HMCN1: variants seen among roughly 807,000 people sequenced by gnomAD.
HMCN1 encodes the protein hemicentin 1.
Under a neutral mutation model 625.9 loss-of-function variants are expected in HMCN1, and 321 were observed. That is an observed-to-expected ratio of 0.51 (90% CI 0.47 to 0.56). The LOEUF (loss-of-function observed/expected upper bound fraction) is 0.56, where lower values mean the gene tolerates loss of function less well. Ranked by LOEUF, HMCN1 falls within the 20% of genes least tolerant of loss-of-function variation. The pLI, the probability that HMCN1 is intolerant of heterozygous loss-of-function variation, is 0.00. For synonymous variants in HMCN1, 2,425 were observed against 2,417.6 expected (o/e 1.00, Z -0.09); for missense variants, 6,588 against 6,887.3 (o/e 0.96, Z 1.54).
intron 97 of HMCN1, among the ~76,000 whole-genome samples, chr1:186,160,352 T>C (rs1311346343): frequency 6.7e-6 from 1 of 148,728 alleles, no homozygotes; most frequent in African/African-American, 2.5e-5. Context: ...TCAATTTTGT[T>C]GATCCTTTCA....
At chr1:186,173,486 CA>C (rs1167705805) in intron 102 of HMCN1, among the ~76,000 whole-genome samples, 1 of 151,356 alleles carries the variant, frequency 6.6e-6, no homozygotes, top group African/African-American at 2.4e-5. Flanking sequence ...ACTAAAAATA[CA>C]AAAATTAGCT....
intron 57 of HMCN1, among the ~76,000 whole-genome samples, chr1:186,084,436 T>C (rs976097160): frequency 6.6e-6 from 1 of 152,198 alleles, no homozygotes; most frequent in Admixed American, 6.5e-5. Context: ...CAGTTAATGA[T>C]GTCTTGAGTT....
chr1:186,093,343 A>G (rs1029219906), intron 65 of HMCN1, 85 bp downstream of exon 65: 40 of 1,595,248 alleles, frequency 2.5e-5, no homozygotes, highest in Non-Finnish European at 2.7e-5. Context: ...AGGTGTCTGG[A>G]GCATTTAGTT....
chr1:186,129,199 T>C (rs6686681), intron 83 of HMCN1, among the ~76,000 whole-genome samples: 1,914 of 103,256 alleles, frequency 0.019, 44 homozygotes, highest in African/African-American at 0.12. Flanking sequence ...CAGTAAAAGA[T>C]TTAAAAAAAA....
At chr1:186,176,942 G>T (rs1032300748) in intron 103 of HMCN1, 3 of 152,366 alleles carry the variant, frequency 2.0e-5, no homozygotes, top group African/African-American at 7.2e-5. Context: ...GTCGAGGCGG[G>T]TGGATCACGA....
At chr1:185,855,176 C>G (rs958598819) in intron 2 of HMCN1, among the ~76,000 whole-genome samples, 6 of 152,166 alleles carry the variant, frequency 3.9e-5, no homozygotes, top group Non-Finnish European at 7.3e-5. Flanking sequence ...GTCCCTGCCC[C>G]CTCTGGCTCT....
At position 186,057,292 on chromosome 1, in the gene HMCN1, G is replaced by T. The variant is rs775621788; in HGVS notation, c.7203G>T (p.Lys2401Asn). The change falls in exon 46 of 107, where the codon AAG becomes AAT. Residue 2401 changes from lysine (K) to asparagine (N), a missense_variant. Physicochemically the swap from Lys to Asn is moderately conservative, Grantham distance 94 (BLOSUM62 0). Coordinates refer to ENST00000271588, the MANE Select transcript of HMCN1 (RefSeq NM_031935.3). ...CTGAAAATATTAGTGTGGTAGAAAA[G>T]AACTCAGTATCTTTGACTTGTGAAG... The part of the protein sequence containing the change: ...RSPENISVVE[K>N]NSVSLTCEAS... 6.2e-6 allele frequency: 10 copies of T among 1,611,152 alleles called. No individual in the cohort carries two copies. Among genetic ancestry groups the T allele is most frequent in the Non-Finnish European group, 7.6e-6 (9 of 1,177,766 alleles).
rs747426322 is a variant in HMCN1, at chr1:186,123,099, C to T, written c.12378C>T (p.Arg4126=). The change falls in exon 81 of 107, where the codon CGC becomes CGT. Residue 4126 remains arginine, a synonymous_variant. Coordinates refer to ENST00000271588, the MANE Select transcript of HMCN1 (RefSeq NM_031935.3). ...CAATTGTGGAATCTATCCGCCAGCG[C>T]GTCCTCAGCTCTGGCTCTCTGCAAA... ...GRAIVESIRQ[R]VLSSGSLQIA... 6.2e-6 allele frequency: 10 copies of T among 1,614,012 alleles called. No individual in the cohort carries two copies. The highest frequency in any genetic ancestry group is 8.5e-6 in the Non-Finnish European group (10 of 1,180,010).
intron 96 of HMCN1, 55 bp from the exon 97 acceptor site, chr1:186,153,695 G>A: frequency 2.0e-6 from 3 of 1,466,682 alleles, no homozygotes; most frequent in Non-Finnish European, 2.9e-6. Context: ...TCCCCTTAAG[G>A]GAAAAAAATT....
At chr1:185,837,376 G>A (rs1030780021) in intron 1 of HMCN1, among the ~76,000 whole-genome samples, 3 of 151,802 alleles carry the variant, frequency 2.0e-5, no homozygotes, top group Admixed American at 6.6e-5. Flanking sequence ...TGTGAGCTTT[G>A]TTCCCGTTGT....
intron 87 of HMCN1, among the ~76,000 whole-genome samples, chr1:186,137,149 A>G (rs748800856): frequency 1.3e-5 from 2 of 152,232 alleles, no homozygotes; most frequent in Non-Finnish European, 2.9e-5. Context: ...TTAAAATCCC[A>G]AACTAGATTT....
At chr1:186,021,412 G>C (rs1654711934) in intron 35 of HMCN1, among the ~76,000 whole-genome samples, 1 of 151,998 alleles carries the variant, frequency 6.6e-6, no homozygotes, top group African/African-American at 2.4e-5. Context: ...TATGGTCTTG[G>C]AGCTCAAAGG....
chr1:186,053,756 A>G (rs1348819416), intron 43 of HMCN1, 69 bp from the exon 44 acceptor site: 2 of 1,494,800 alleles, frequency 1.3e-6, no homozygotes, highest in African/African-American at 1.4e-5. Flanking sequence ...AACAAATGTC[A>G]TACTTGGCAA....
Position 185,846,436 on chromosome 1 carries a change from G to A in HMCN1, c.339+340G>A, listed in dbSNP as rs191493209. 1.3e-3 allele frequency among the ~76,000 whole-genome samples: 192 copies of A among 152,142 alleles called. 1 individual carries two copies. The highest frequency in any genetic ancestry group is 1.7e-3 in the African/African-American group (69 of 41,518). ...CTTTTTGCTTAGAAATATAAGGAAC[G>A]GTTAATAATTCTTTTCCCATAAAAT... On this transcript the variant is annotated intron_variant, in intron 2 of 106. Transcript: ENST00000271588.
intron 15 of HMCN1, among the ~76,000 whole-genome samples, chr1:185,973,167 A>G (rs1650947447): frequency 6.6e-6 from 1 of 152,174 alleles, no homozygotes; most frequent in Admixed American, 6.6e-5. Context: ...AAAACGAGAC[A>G]TCATCCTAAC....
chr1:185,791,300 G>GGA (rs148915485), intron 1 of HMCN1, among the ~76,000 whole-genome samples: 2,699 of 152,128 alleles, frequency 0.018, 81 homozygotes, highest in African/African-American at 0.062. Flanking sequence ...AAAATAAACT[G>GGA]GAAGGAAAGT....
chr1:185,870,879 C>T (rs193289617), intron 4 of HMCN1, among the ~76,000 whole-genome samples: 1 of 152,226 alleles, frequency 6.6e-6, no homozygotes, highest in African/African-American at 2.4e-5. Context: ...TTCCTGGTGC[C>T]TTTCATTTTC....
intron 34 of HMCN1, among the ~76,000 whole-genome samples, chr1:186,019,170 G>A (rs911188628): frequency 2.6e-5 from 4 of 152,004 alleles, no homozygotes; most frequent in African/African-American, 9.7e-5. Context: ...AGGGGGCAGA[G>A]TCATGCAGTA....
intron 1 of HMCN1, among the ~76,000 whole-genome samples, chr1:185,808,547 A>G (rs1281063282): frequency 6.6e-6 from 1 of 152,074 alleles, no homozygotes; most frequent in East Asian, 1.9e-4. Flanking sequence ...TCAGCAAATT[A>G]TCTTTAATTT....
Sources: gnomAD v4.1 joint callset for allele counts (sites outside exome capture counted in the v4.1 genomes callset) on GRCh38, gnomAD v4.1.1 for gene constraint, MANE v1.5 for transcripts, NCBI Gene and HGNC (gene_info 2026-07-23, HGNC 2026-07-21) for gene names.